The following DROSHA variants were observed in gnomAD, a reference collection of about 807,000 sequenced individuals.
DROSHA encodes drosha ribonuclease III.
DROSHA carries 56 observed loss-of-function variants against 181.9 expected under a neutral mutation model. The ratio of observed to expected loss-of-function variants is 0.31; its 90% CI spans 0.25 to 0.38. The LOEUF is 0.38. DROSHA is among the 10% of genes least tolerant of loss of function. The pLI is 1.00. For missense variants in DROSHA, 1,218 were observed against 1,743.5 expected, an observed-to-expected ratio of 0.70 and a Z score of 5.37; for synonymous variants, 524 against 591.2, an observed-to-expected ratio of 0.89 and a Z score of 1.65.
In DROSHA at chr5:31,521,149, G is replaced by A. The variant is rs1409387275; in HGVS notation, c.921C>T (p.Tyr307=). The A allele has an allele frequency of 6.2e-7, 1 of 1,613,274 alleles. No individual in the cohort carries two copies. The highest frequency in any genetic ancestry group is 1.7e-5 in the Admixed American group (1 of 59,972). Reference sequence around the variant, plus strand: ...TTCCAGATCTCTTATACTCTTTTTTGTAGGACCTTTCCAGAGATGGTGATC... The same window carrying A: ...TTCCAGATCTCTTATACTCTTTTTTATAGGACCTTTCCAGAGATGGTGATC... The part of the protein sequence containing the change: ...NRRSPSLERS[Y]KKEYKRSGRS... The change falls in exon 6 of 36, where the codon TAC becomes TAT. Residue 307 remains tyrosine, a synonymous_variant. Coordinates refer to ENST00000344624, the MANE Select transcript of DROSHA (RefSeq NM_001382508.1).
Position 31,515,159 on chromosome 5 carries a change from A to G in DROSHA, c.1119T>C (p.Ser373=). The change falls in exon 8 of 36, where the codon AGT becomes AGC. Residue 373 remains serine, a synonymous_variant. Coordinates refer to ENST00000344624, the MANE Select transcript of DROSHA (RefSeq NM_001382508.1). ...TGTCTTTGCCAGAACTCTGGTTGTC[A>G]CTCCAACGGTCTTTTTCTTCCTCCC... ...ARWEEEKDRW[S]DNQSSGKDKN... The G allele has an allele frequency of 6.2e-7, 1 of 1,613,644 alleles. No individual in the cohort carries two copies. The highest frequency in any genetic ancestry group is 8.5e-7 in the Non-Finnish European group (1 of 1,179,820).
At chr5:31,485,635 T>TAAAAA (rs10523474) in intron 14 of DROSHA, among the ~76,000 whole-genome samples, 66,035 of 135,452 alleles carry the variant, frequency 0.49, 17,964 homozygotes, top group Non-Finnish European at 0.62. Flanking sequence ...AAAAGGAAGT[T>TAAAAA]AAAAAAAAAA....
chr5:31,402,927 C>T (rs1309660617), intron 35 of DROSHA, among the ~76,000 whole-genome samples: 8 of 152,170 alleles, frequency 5.3e-5, no homozygotes, highest in African/African-American at 1.7e-4. Flanking sequence ...GGATTACAGG[C>T]GTGTGCCACC....
In DROSHA at chr5:31,425,729, T is replaced by C. The variant is rs75214132; in HGVS notation, c.3217-1258A>G. On this transcript the variant is annotated intron_variant, in intron 27 of 35. Transcript: ENST00000344624. ...TATGGAACATGATCAAATGATAACTTTTCACCTTTCTCCTTAAACTAGAGC... is the reference window on the plus strand; with the variant it reads ...TATGGAACATGATCAAATGATAACTCTTCACCTTTCTCCTTAAACTAGAGC... Among the ~76,000 whole-genome samples, 50 of 152,242 alleles carry C rather than the reference T, an allele frequency of 3.3e-4. 1 individual carries two copies. The East Asian group carries it at 9.7e-3, about 29-fold the overall frequency.
At position 31,526,307 on chromosome 5, in the gene DROSHA, G is replaced by A; in HGVS notation, c.626C>T (p.Pro209Leu). Reference protein sequence around the residue: ...SSSPHFRHLPPYPLPKAPSER... With the variant: ...SSSPHFRHLPLYPLPKAPSER... ...ACTGGGAGCCTTTGGGAGTGGGTAT[G>A]GAGGGAGATGTCTGAAATGAGGACT... Residue 209 changes from proline (P) to leucine (L), a missense_variant, in exon 5 of 36, where the codon CCA (proline) becomes CTA (leucine). Pro to Leu is a moderately conservative substitution (Grantham distance 98, BLOSUM62 -3). This residue lies in a region of DROSHA where 536 missense variants were observed against 535.4 expected (regional missense o/e 1.00). Coordinates refer to ENST00000344624, the MANE Select transcript of DROSHA (RefSeq NM_001382508.1). 6.2e-7 allele frequency: 1 copy of A among 1,613,920 alleles called. No individual in the cohort carries two copies. The highest frequency in any genetic ancestry group is 2.2e-5 in the East Asian group (1 of 44,870).
At chr5:31,464,908 T>C (rs538020770) in intron 19 of DROSHA, among the ~76,000 whole-genome samples, 1 of 152,290 alleles carries the variant, frequency 6.6e-6, no homozygotes, top group Admixed American at 6.5e-5. Context: ...AATTGTATAT[T>C]TGCATGCATG....
rs183624790 is a variant in DROSHA at position 31,402,775 on chromosome 5, G to A, written c.3995-1213C>T. ...AATCAGCAAAGACCTGGTATGTCTG[G>A]GGGTCAGAGATTGATTTTATTTATT... On this transcript the variant is annotated intron_variant, in intron 35 of 35. Transcript: ENST00000344624. 1.5e-3 allele frequency among the ~76,000 whole-genome samples: 231 copies of A among 152,262 alleles called. 3 individuals are homozygous for A. Among genetic ancestry groups the A allele is most frequent in the Non-Finnish European group, 4.7e-4 (32 of 68,018 alleles).
chr5:31,422,971 A>G, intron 28 of DROSHA, 27 bp from the exon 29 acceptor site: 1 of 1,484,740 alleles, frequency 6.7e-7, no homozygotes, highest in Non-Finnish European at 8.9e-7. Flanking sequence ...ATAAATAAAA[A>G]TCATTTTTTC....
Position 31,519,201 on chromosome 5 carries a change from A to G in DROSHA, c.947+1922T>C, listed in dbSNP as rs367753201. Among the ~76,000 whole-genome samples the G allele has an allele frequency of 4.3e-4, 66 of 152,330 alleles. No homozygotes were observed. In the Middle Eastern group the frequency reaches 0.01, roughly 24 times the overall value. ...GCTACCAGGCATTAGAGAAGAAACC[A>G]TTAAACCGAGGCTATTTCCAGCACT... On this transcript the variant is annotated intron_variant, in intron 6 of 35. Transcript: ENST00000344624.
intron 34 of DROSHA, among the ~76,000 whole-genome samples, chr5:31,406,391 T>C (rs566310455): frequency 2.0e-5 from 3 of 152,088 alleles, no homozygotes; most frequent in East Asian, 3.9e-4. Context: ...ATGCCTGTAA[T>C]ACTAGCTTCT....
Position 31,466,206 on chromosome 5 carries a change from G to C in DROSHA, c.2442C>G (p.Asp814Glu). The C allele has an allele frequency of 6.2e-7, 1 of 1,613,632 alleles. No individual in the cohort carries two copies. The highest frequency in any genetic ancestry group is 8.5e-7 in the Non-Finnish European group (1 of 1,179,720). ...LANSPKVKQT[D>E]KQKLAQREEA... ...CCTCCCTCTGTGCCAGCTTCTGTTT[G>C]TCAGTTTGTTTGACTTTGGGACTAT... The change falls in exon 19 of 36, where the codon GAC becomes GAG. Residue 814 changes from aspartate to glutamate, a missense_variant. This residue lies in a region of DROSHA where 460 missense variants were observed against 774.2 expected (regional missense o/e 0.59). Coordinates refer to ENST00000344624, the MANE Select transcript of DROSHA (RefSeq NM_001382508.1).
At chr5:31,468,190 T>C in intron 17 of DROSHA, 127 bp from the exon 18 acceptor site, 2 of 1,016,284 alleles carry the variant, frequency 2.0e-6, no homozygotes, top group East Asian at 2.7e-5. Flanking sequence ...GAAAAGGTCA[T>C]TTAAAACCCT....
chr5:31,463,353 T>C (rs771310897), intron 20 of DROSHA, among the ~76,000 whole-genome samples: 2 of 152,138 alleles, frequency 1.3e-5, no homozygotes, highest in Non-Finnish European at 2.9e-5. Context: ...AATATAATAA[T>C]TAAAAGCCAA....
At chr5:31,421,437 C>T (rs1742644312) in intron 29 of DROSHA, 60 bp from the exon 30 acceptor site, 4 of 1,342,918 alleles carry the variant, frequency 3.0e-6, no homozygotes, top group Non-Finnish European at 4.2e-6. Flanking sequence ...TCCAAAAAAA[C>T]ACCCAGAATT....
intron 18 of DROSHA, 54 bp from the exon 19 acceptor site, chr5:31,466,335 G>A: frequency 1.3e-6 from 2 of 1,486,108 alleles, no homozygotes; most frequent in East Asian, 2.3e-5. Context: ...AACCTAAAAT[G>A]CAACAAAACC....
chr5:31,529,091 C>T lies in DROSHA; in HGVS notation c.-32G>A. ...CCGCCTGGATATGTCACATCTTCCA[C>T]AGAGAATATAAGCTCTAAAAAACAG... On this transcript the variant is annotated 5_prime_UTR_variant, in exon 4 of 36. It adds an upstream start codon to the 5' untranslated region. Transcript: ENST00000344624. 1 of 1,611,172 alleles carries T rather than the reference C, an allele frequency of 6.2e-7. No individual in the cohort carries two copies. The highest frequency in any genetic ancestry group is 8.5e-7 in the Non-Finnish European group (1 of 1,178,790).
chr5:31,462,362 A>G (rs1748500280), intron 20 of DROSHA, among the ~76,000 whole-genome samples: 1 of 152,144 alleles, frequency 6.6e-6, no homozygotes, highest in South Asian at 2.1e-4. Flanking sequence ...AGAGTTCTAC[A>G]GAGGGAGGAA....
chr5:31,494,561 AG>A (rs1262308138), intron 12 of DROSHA, among the ~76,000 whole-genome samples: 1 of 152,124 alleles, frequency 6.6e-6, no homozygotes, highest in Non-Finnish European at 1.5e-5. Context: ...GTGAGGCAAG[AG>A]GATCACTTGA....
At chr5:31,505,006 C>T (rs1167315623) in intron 10 of DROSHA, among the ~76,000 whole-genome samples, 1 of 152,168 alleles carries the variant, frequency 6.6e-6, no homozygotes, top group Non-Finnish European at 1.5e-5. Context: ...CCTGGAGGAA[C>T]ACATAGAGTG....
Sources: gnomAD v4.1 joint callset for allele counts (sites outside exome capture counted in the v4.1 genomes callset) on GRCh38, gnomAD v4.1.1 for gene constraint, gnomAD v4.1.1 regional missense constraint, MANE v1.5 for transcripts, NCBI Gene and HGNC (gene_info 2026-07-23, HGNC 2026-07-21) for gene names.